EPHB1: variants seen among roughly 807,000 people sequenced by gnomAD.
EPHB1 encodes the protein EPH receptor B1, also known as ephrin type-B receptor 1.
Under a neutral mutation model 94.4 loss-of-function variants are expected in EPHB1, and 30 were observed. The observed-to-expected ratio is 0.32, with a 90% CI of 0.24 to 0.43. The LOEUF (loss-of-function observed/expected upper bound fraction) is 0.43, where lower values mean the gene tolerates loss of function less well. Ranked by LOEUF, EPHB1 falls within the 20% of genes least tolerant of loss-of-function variation. The pLI is 1.00. For synonymous variants in EPHB1, 522 were observed against 489.1 expected (o/e 1.07, Z -0.89); for missense variants, 1,055 against 1,308.3 (o/e 0.81, Z 2.99).
intron 10 of EPHB1, among the ~76,000 whole-genome samples, chr3:135,189,180 C>G (rs1210507470): frequency 6.6e-6 from 1 of 152,184 alleles, no homozygotes; most frequent in East Asian, 1.9e-4. Flanking sequence ...TTTCTTCTTT[C>G]TCTCCTCTCA....
intron 1 of EPHB1, among the ~76,000 whole-genome samples, chr3:134,807,921 A>G (rs998390434): frequency 2.6e-5 from 4 of 152,128 alleles, no homozygotes; most frequent in Admixed American, 2.0e-4. Flanking sequence ...TCAAGCATGG[A>G]GGGTGAAGGA....
In EPHB1 at chr3:134,795,601, T is replaced by C. The variant is rs2035808026; in HGVS notation, c.-31T>C. 3 of 1,600,996 alleles carry C rather than the reference T, an allele frequency of 1.9e-6. No homozygotes were observed. The highest frequency in any genetic ancestry group is 2.6e-6 in the Non-Finnish European group (3 of 1,174,770). ...GCTCTCCCGGCGCTGCTGCCTCGGC[T>C]TGGTCTCGGCCTGCGGGCCGTCGGC... On this transcript the variant is annotated 5_prime_UTR_variant, in exon 1 of 16. Coordinates refer to ENST00000398015, the MANE Select transcript of EPHB1 (RefSeq NM_004441.5).
chr3:135,137,429 G>A (rs754937175), intron 5 of EPHB1, among the ~76,000 whole-genome samples: 5 of 152,188 alleles, frequency 3.3e-5, no homozygotes, highest in Admixed American at 2.6e-4. Context: ...GCCTGTTGGC[G>A]ATGGTTTGTA....
At chr3:134,907,728 T>A (rs1168010978) in intron 1 of EPHB1, among the ~76,000 whole-genome samples, 2 of 151,788 alleles carry the variant, frequency 1.3e-5, no homozygotes, top group Non-Finnish European at 2.9e-5. Context: ...ATAGACATCT[T>A]ATAAGAAAGA....
intron 3 of EPHB1, among the ~76,000 whole-genome samples, chr3:134,980,893 A>C (rs1471091390): frequency 1.3e-5 from 2 of 152,204 alleles, no homozygotes; most frequent in African/African-American, 4.8e-5. Context: ...ACAATCCTTC[A>C]GAATAAAGGT....
At chr3:135,188,206 AT>A (rs201504272) in intron 10 of EPHB1, among the ~76,000 whole-genome samples, 61 of 151,122 alleles carry the variant, frequency 4.0e-4, no homozygotes, top group East Asian at 2.0e-3. Context: ...AAAAAAATAA[AT>A]AAATAAAGGC....
chr3:135,229,111 T>A (rs1943470625), intron 12 of EPHB1, among the ~76,000 whole-genome samples: 1 of 152,178 alleles, frequency 6.6e-6, no homozygotes, highest in South Asian at 2.1e-4. Flanking sequence ...AAGCAGACTC[T>A]GCCCCTCCTT....
At chr3:135,085,015 C>T (rs1938303195) in intron 3 of EPHB1, among the ~76,000 whole-genome samples, 1 of 152,188 alleles carries the variant, frequency 6.6e-6, no homozygotes. Context: ...CGCAACCTCA[C>T]AGGTAGCAAG....
At chr3:135,256,289 A>C (rs1418886302) in intron 15 of EPHB1, among the ~76,000 whole-genome samples, 2 of 152,132 alleles carry the variant, frequency 1.3e-5, no homozygotes, top group Non-Finnish European at 2.9e-5. Flanking sequence ...TTTGCTTGTT[A>C]GTTGATGCAG....
rs113711968 is a variant in EPHB1, at chr3:135,017,358, A to T, written c.805+65306A>T. 8.5e-3 allele frequency among the ~76,000 whole-genome samples: 1,292 copies of T among 152,332 alleles called. 22 individuals are homozygous for T. The highest frequency in any genetic ancestry group is 0.029 in the African/African-American group (1,208 of 41,570). The stretch of plus-strand genomic sequence containing the variant: ...AGAGGGGAAATCAGATTTATCCTAA[A>T]GTAATTAAATGTGTAGGAAACTGAG... On this transcript the variant is annotated intron_variant, in intron 3 of 15. Transcript: ENST00000398015.
At chr3:135,149,226 A>T (rs910085139) in intron 5 of EPHB1, among the ~76,000 whole-genome samples, 1 of 152,226 alleles carries the variant, frequency 6.6e-6, no homozygotes, top group African/African-American at 2.4e-5. Flanking sequence ...AAATTTGAAT[A>T]ATCTTGTGAA....
At chr3:134,869,537 A>G (rs2037454523) in intron 1 of EPHB1, among the ~76,000 whole-genome samples, 1 of 152,186 alleles carries the variant, frequency 6.6e-6, no homozygotes, top group African/African-American at 2.4e-5. Flanking sequence ...GGTCAAGGGG[A>G]TGTGATGCCC....
intron 3 of EPHB1, among the ~76,000 whole-genome samples, chr3:135,105,205 G>A (rs1398515084): frequency 2.6e-5 from 4 of 152,158 alleles, no homozygotes; most frequent in Admixed American, 1.3e-4. Flanking sequence ...CATTATAATG[G>A]CACTTCAATT....
At chr3:135,122,926 C>A (rs1940033855) in intron 4 of EPHB1, among the ~76,000 whole-genome samples, 1 of 152,090 alleles carries the variant, frequency 6.6e-6, no homozygotes, top group Non-Finnish European at 1.5e-5. Context: ...TTTCCAAGAC[C>A]CTAATGAGCA....
chr3:135,162,064 C>T lies in EPHB1; in HGVS notation c.1469C>T (p.Thr490Ile), dbSNP rs1317865317. 1 of 1,613,570 alleles carries T rather than the reference C, an allele frequency of 6.2e-7. No homozygotes were observed. Among genetic ancestry groups the T allele is most frequent in the Middle Eastern group, 1.7e-4 (1 of 6,060 alleles). Residue 490 changes from threonine to isoleucine, a missense_variant, in exon 7 of 16, where the codon ACA becomes ATA. Physicochemically the swap from Thr to Ile is moderately conservative, Grantham distance 89 (BLOSUM62 -1). Transcript: ENST00000398015. ...TCCATGGCCAGGAGTCAGACCAACA[C>T]AGCAAGGATTGATGGGCTGCGGCCT... ...NSSMARSQTN[T>I]ARIDGLRPGM... is the part of the protein sequence containing the mutation.
intron 3 of EPHB1, among the ~76,000 whole-genome samples, chr3:135,039,489 G>A (rs116145761): frequency 0.012 from 1,768 of 152,322 alleles, 42 homozygotes; most frequent in African/African-American, 0.04. Flanking sequence ...TGGTGCTCCC[G>A]TCGGGGAGGC....
chr3:135,096,790 T>G (rs886646452), intron 3 of EPHB1, among the ~76,000 whole-genome samples: 6 of 152,206 alleles, frequency 3.9e-5, no homozygotes, highest in African/African-American at 9.6e-5. Flanking sequence ...CACAGAGTCC[T>G]CACCTCCAAG....
intron 15 of EPHB1, among the ~76,000 whole-genome samples, chr3:135,253,940 G>A (rs1381334616): frequency 6.7e-6 from 1 of 148,602 alleles, no homozygotes; most frequent in African/African-American, 2.5e-5. Context: ...TCCCTTGTAA[G>A]TTGGATTCCT....
At chr3:134,864,209 A>G (rs898211275) in intron 1 of EPHB1, among the ~76,000 whole-genome samples, 7 of 151,856 alleles carry the variant, frequency 4.6e-5, no homozygotes, top group Admixed American at 1.3e-4. Context: ...GTGGGGTTCT[A>G]TTCACCTCCT....
Sources: allele counts gnomAD v4.1 joint callset (sites outside exome capture counted in the v4.1 genomes callset), GRCh38; gene constraint gnomAD v4.1.1; transcripts MANE v1.5; gene names NCBI Gene and HGNC (gene_info 2026-07-23, HGNC 2026-07-21).